Variants in CD300A observed in about 807,000 individuals in gnomAD.
The protein encoded by CD300A is CD300a molecule.
In CD300A, 22 loss-of-function variants were observed where a neutral mutation model predicts 33.6. The observed-to-expected ratio is 0.66, with a 90% CI of 0.47 to 0.94. CD300A has a LOEUF of 0.94. CD300A is among the 40% of genes least tolerant of loss of function. CD300A has a pLI of 0.00. For synonymous variants in CD300A, 136 were observed against 148.1 expected, an observed-to-expected ratio of 0.92 and a Z score of 0.59; for missense variants, 326 against 360.5, an observed-to-expected ratio of 0.90 and a Z score of 0.77.
intron 3 of CD300A, 121 bp from the exon 4 acceptor site, chr17:74,477,314 CA>C (rs1382320599): frequency 4.8e-5 from 30 of 629,748 alleles, no homozygotes; most frequent in Middle Eastern, 4.5e-4. Flanking sequence ...ATCACCACTG[CA>C]CTCCAGCCTG....
At chr17:74,473,476 A>G (rs1196705111) in intron 1 of CD300A, 60 bp from the exon 2 acceptor site, 13 of 1,530,446 alleles carry the variant, frequency 8.5e-6, no homozygotes, top group East Asian at 4.5e-5. Flanking sequence ...CCCTGACCCC[A>G]GGGCACCCCT....
Position 74,475,507 on chromosome 17 carries a change from T to C in CD300A, c.533+822T>C, listed in dbSNP as rs143112859. Among the ~76,000 whole-genome samples, 578 of 152,290 alleles carry C rather than the reference T, an allele frequency of 3.8e-3. 2 individuals carry two copies. Among genetic ancestry groups the C allele is most frequent in the African/African-American group, 0.013 (556 of 41,548 alleles). On this transcript the variant is annotated intron_variant, in intron 3 of 6. Transcript: ENST00000360141. Reference sequence around the variant, plus strand: ...GTGACTCCAGAGCCTTGAGTTCTCCTCTCTAAATAGTGGTTCTTAACCTTT... The same window carrying C: ...GTGACTCCAGAGCCTTGAGTTCTCCCCTCTAAATAGTGGTTCTTAACCTTT...
intron 3 of CD300A, among the ~76,000 whole-genome samples, chr17:74,476,149 G>T (rs1040012674): frequency 2.0e-5 from 3 of 152,178 alleles, no homozygotes; most frequent in Non-Finnish European, 4.4e-5. Context: ...GTCCCTCTTT[G>T]GGAGGTTGGG....
rs371866705 is a variant in CD300A at position 74,481,849 on chromosome 17, C to T, written c.774+16C>T. The T allele has an allele frequency of 1.6e-5, 26 of 1,589,494 alleles. No homozygotes were observed. The highest frequency in any genetic ancestry group is 1.5e-4 in the African/African-American group (11 of 74,510). Reference sequence around the variant, plus strand: ...CAGCACTGTGGTAAGTGCAGGAGCCCGGCTTTTGGGCATGCGGCCCCTGGG... The same window carrying T: ...CAGCACTGTGGTAAGTGCAGGAGCCTGGCTTTTGGGCATGCGGCCCCTGGG... On this transcript the variant is annotated intron_variant, in intron 6 of 6. Coordinates refer to ENST00000360141, the MANE Select transcript of CD300A (RefSeq NM_007261.4).
At chr17:74,474,469 A>T in intron 2 of CD300A, 63 bp from the exon 3 acceptor site, 1 of 1,559,530 alleles carries the variant, frequency 6.4e-7, no homozygotes, top group African/African-American at 1.3e-5. Context: ...CCAAAAAGGC[A>T]TCCTGAGTGG....
rs770111497 is a variant in CD300A, at chr17:74,481,708, G to C, written c.667-18G>C. 6.3e-6 allele frequency: 10 copies of C among 1,583,814 alleles called. No homozygotes were observed. Among genetic ancestry groups the C allele is most frequent in the Non-Finnish European group, 7.7e-6 (9 of 1,162,214 alleles). On this transcript the variant is annotated intron_variant, in intron 5 of 6. Transcript: ENST00000360141. ...CAGGGCTCCGTGGACACCCACCTGG[G>C]ACCTCCTGCCCACCCAGGCTGCCAC...
Position 74,483,988 on chromosome 17 carries a change from T to A in CD300A, c.775-13T>A. 1 of 1,612,964 alleles carries A rather than the reference T, an allele frequency of 6.2e-7. No individual in the cohort carries two copies. The highest frequency in any genetic ancestry group is 8.5e-7 in the Non-Finnish European group (1 of 1,179,244). On this transcript the variant is annotated splice_polypyrimidine_tract_variant and intron_variant, in intron 6 of 6. Transcript: ENST00000360141. ...CTCTCCCAAGTCTTCAGTTTCTTGG[T>A]TTCTCTCTGCAGGCCTCCCCCAGGG...
At chr17:74,477,570 G>A (rs1338385273) in intron 4 of CD300A, 40 bp downstream of exon 4, 4 of 1,420,504 alleles carry the variant, frequency 2.8e-6, no homozygotes, top group Non-Finnish European at 3.0e-6. Flanking sequence ...CACCTGGGGT[G>A]GTCAGACCCT....
intron 1 of CD300A, chr17:74,470,290 A>G (rs992366230): frequency 1.1e-6 from 1 of 908,516 alleles, no homozygotes; most frequent in African/African-American, 3.0e-5. Context: ...CGCAATCTCT[A>G]AATTATAATG....
intron 6 of CD300A, 129 bp from the exon 7 acceptor site, chr17:74,483,872 G>C (rs1471533354): frequency 1.3e-5 from 13 of 1,008,962 alleles, no homozygotes; most frequent in Admixed American, 2.3e-5. Flanking sequence ...AAAGAGGCCA[G>C]GACAGTGGAG....
rs546758351 is a variant in CD300A at position 74,484,080 on chromosome 17, G to C, written c.854G>C (p.Arg285Pro). Residue 285 changes from arginine (R) to proline (P), a missense_variant, in exon 7 of 7, where the codon CGG becomes CCG. Coordinates refer to ENST00000360141, the MANE Select transcript of CD300A (RefSeq NM_007261.4). ...AACAGGATAGCTGCTCAGAGGCCTC[G>C]GGAGGAGGAACCAGATTCAGATTAC... ...NTNRIAAQRP[R>P]EEEPDSDYSV... 2.0e-5 allele frequency: 33 copies of C among 1,614,028 alleles called. 1 individual carries two copies. In the South Asian group the frequency reaches 3.6e-4, roughly 18 times the overall value.
Position 74,481,543 on chromosome 17 carries a change from G to A in CD300A, c.667-183G>A, listed in dbSNP as rs529935894. On this transcript the variant is annotated intron_variant, in intron 5 of 6. Coordinates refer to ENST00000360141, the MANE Select transcript of CD300A (RefSeq NM_007261.4). ...ACCAAGGCAAATGGAATGAAGGGAG[G>A]CCCTCCCAGCCAAGCTGACCTGGGG... The A allele has an allele frequency of 1.1e-5, 7 of 651,264 alleles. No homozygotes were observed. The South Asian group carries it at 1.1e-4, about 10-fold the overall frequency. The allele number at this position is 651,264 out of a possible 1,614,324, so 40.3% of individuals were successfully genotyped here.
chr17:74,483,473 C>A (rs916762552), intron 6 of CD300A, among the ~76,000 whole-genome samples: 1 of 151,816 alleles, frequency 6.6e-6, no homozygotes, highest in Non-Finnish European at 1.5e-5. Context: ...CCTCCTGCCT[C>A]AGCCTCCCAA....
Position 74,473,808 on chromosome 17 carries a change from G to A in CD300A, c.313G>A (p.Val105Met), listed in dbSNP as rs754861559. 2 of 1,614,114 alleles carry A rather than the reference G, an allele frequency of 1.2e-6. No individual in the cohort carries two copies. The highest frequency in any genetic ancestry group is 1.7e-5 in the Admixed American group (1 of 60,006). ...EEDAGTYWCG[V>M]DTPWLRDFHD... ...GGATGCAGGCACCTACTGGTGTGGG[G>A]TGGATACACCATGGCTCCGAGACTT... Residue 105 changes from valine (V) to methionine (M), a missense_variant, in exon 2 of 7, where the codon GTG becomes ATG. Transcript: ENST00000360141.
At chr17:74,472,371 G>T (rs929787467) in intron 1 of CD300A, among the ~76,000 whole-genome samples, 1 of 152,196 alleles carries the variant, frequency 6.6e-6, no homozygotes, top group Non-Finnish European at 1.5e-5. Flanking sequence ...CAACTGCCCA[G>T]CAGGCCTGTG....
At chr17:74,468,098 G>A (rs1331181252) in intron 1 of CD300A, among the ~76,000 whole-genome samples, 5 of 151,614 alleles carry the variant, frequency 3.3e-5, no homozygotes, top group African/African-American at 7.3e-5. Context: ...GCAGTGGCGC[G>A]ATCTTGGCTC....
intron 1 of CD300A, among the ~76,000 whole-genome samples, chr17:74,467,272 T>C (rs1464860107): frequency 6.6e-6 from 1 of 151,668 alleles, no homozygotes; most frequent in Admixed American, 6.6e-5. Context: ...ATCGATAGTC[T>C]CTGGAATGCG....
chr17:74,470,387 GAGAGAGAGAA>G (rs1224187222), intron 1 of CD300A: 1 of 327,440 alleles, frequency 3.1e-6, no homozygotes, highest in African/African-American at 2.2e-5. Flanking sequence ...AGTTAATCAG[GAGAGAGAGAA>G]AGAGAGAGAG....
intron 1 of CD300A, 90 bp downstream of exon 1, chr17:74,466,833 G>T: frequency 6.5e-7 from 1 of 1,547,260 alleles, no homozygotes. Flanking sequence ...GAGACGCCCC[G>T]AGTCTGGACT....
Sources: gnomAD v4.1 joint callset for allele counts (sites outside exome capture counted in the v4.1 genomes callset) on GRCh38, gnomAD v4.1.1 for gene constraint, MANE v1.5 for transcripts, NCBI Gene and HGNC (gene_info 2026-07-23, HGNC 2026-07-21) for gene names.